TRAK1: variants seen among roughly 807,000 people sequenced by gnomAD.
TRAK1 encodes trafficking kinesin-binding protein 1.
In TRAK1, 33 loss-of-function variants were observed where a neutral mutation model predicts 92.1. The ratio of observed to expected loss-of-function variants is 0.36; its 90% CI spans 0.27 to 0.48. The LOEUF (loss-of-function observed/expected upper bound fraction) is 0.48, where lower values mean the gene tolerates loss of function less well. Among genes scored for constraint, TRAK1 ranks in the 20% least tolerant of loss-of-function variants. TRAK1 has a pLI of 0.99. For missense variants in TRAK1, 1,123 were observed against 1,257.9 expected, an observed-to-expected ratio of 0.89 and a Z score of 1.62; for synonymous variants, 521 against 517.3, an observed-to-expected ratio of 1.01 and a Z score of -0.10.
At chr3:42,171,863 C>T (rs145610754) in intron 2 of TRAK1, among the ~76,000 whole-genome samples, 174 of 152,194 alleles carry the variant, frequency 1.1e-3, no homozygotes, top group African/African-American at 4.0e-3. Flanking sequence ...AGATGGGTGC[C>T]AACATTTATT....
chr3:42,037,395 G>C (rs1410532566), intron 1 of TRAK1, among the ~76,000 whole-genome samples: 2 of 152,196 alleles, frequency 1.3e-5, no homozygotes, highest in Admixed American at 6.5e-5. Context: ...GAGGTCAGGG[G>C]CTTCATCTGA....
In TRAK1 at chr3:42,224,231, C is replaced by T. The variant is rs1438626081; in HGVS notation, c.*494C>T. 1.1e-5 allele frequency: 4 copies of T among 366,250 alleles called. No homozygotes were observed. Among genetic ancestry groups the T allele is most frequent in the South Asian group, 4.1e-5 (2 of 49,274 alleles). 22.7% of individuals were successfully genotyped at this position (366,250 alleles called of 1,614,324 possible). ...CGTAAGGAGCCTCCATCCTCAGCCA[C>T]GTGCAGCTGACGTGGCTTTCCTGAT... On this transcript the variant is annotated 3_prime_UTR_variant, in exon 16 of 16. Transcript: ENST00000327628.
At chr3:42,038,906 T>C (rs1702430658) in intron 1 of TRAK1, among the ~76,000 whole-genome samples, 1 of 145,416 alleles carries the variant, frequency 6.9e-6, no homozygotes, top group South Asian at 2.3e-4. Context: ...CCTCCCGAAG[T>C]GTTGGGATTG....
At position 42,209,804 on chromosome 3, in the gene TRAK1, A is replaced by G. The variant is rs141984215; in HGVS notation, c.1782A>G (p.Gln594=). Residue 594 remains glutamine, a synonymous_variant, in exon 14 of 16, where the codon CAA becomes CAG. Coordinates refer to ENST00000327628, the MANE Select transcript of TRAK1 (RefSeq NM_001042646.3). Reference sequence around the variant, plus strand: ...TTCACCACTGGCAGCAGTTGGCCCAACCTCACCTTGGGGGCATCCTGGACC... The same window carrying G: ...TTCACCACTGGCAGCAGTTGGCCCAGCCTCACCTTGGGGGCATCCTGGACC... ...ATLHHWQQLA[Q]PHLGGILDPR... The G allele has an allele frequency of 1.2e-6, 2 of 1,613,872 alleles. No homozygotes were observed. The highest frequency in any genetic ancestry group is 2.2e-5 in the East Asian group (1 of 44,882).
intron 2 of TRAK1, among the ~76,000 whole-genome samples, chr3:42,165,319 A>G (rs1364867139): frequency 6.6e-6 from 1 of 152,160 alleles, no homozygotes; most frequent in Non-Finnish European, 1.5e-5. Flanking sequence ...CTAACCAGAC[A>G]TGATCATCTG....
chr3:42,184,647 G>C, intron 3 of TRAK1, 38 bp from the exon 4 acceptor site: 1 of 1,598,554 alleles, frequency 6.3e-7, no homozygotes, highest in Non-Finnish European at 8.6e-7. Flanking sequence ...GGAAACACAG[G>C]TCTTTTGAAT....
At chr3:42,108,380 A>T (rs1269939954) in intron 1 of TRAK1, among the ~76,000 whole-genome samples, 1 of 151,646 alleles carries the variant, frequency 6.6e-6, no homozygotes, top group Non-Finnish European at 1.5e-5. Context: ...AGTCCTAGCT[A>T]CTTGGGAAGC....
intron 1 of TRAK1, among the ~76,000 whole-genome samples, chr3:42,058,824 C>G (rs1703308352): frequency 6.6e-6 from 1 of 151,736 alleles, no homozygotes; most frequent in African/African-American, 2.4e-5. Context: ...TCTAAGAAAG[C>G]AAAAAATGCT....
chr3:42,209,676 T>G, intron 13 of TRAK1, 91 bp from the exon 14 acceptor site: 1 of 1,342,804 alleles, frequency 7.4e-7, no homozygotes, highest in African/African-American at 1.4e-5. Flanking sequence ...CGCTAAGCAC[T>G]TTGAGGGTGG....
upstream of TRAK1, among the ~76,000 whole-genome samples, chr3:42,088,909 A>G (rs1047614994): frequency 4.6e-5 from 7 of 152,064 alleles, no homozygotes; most frequent in Admixed American, 3.9e-4. Flanking sequence ...CCTGTGCAGC[A>G]CTTGATCTCA....
At chr3:42,039,790 G>A (rs953588207) in intron 1 of TRAK1, among the ~76,000 whole-genome samples, 2 of 152,140 alleles carry the variant, frequency 1.3e-5, no homozygotes. Context: ...GTCATAGAGG[G>A]ACTGCCAGAC....
At chr3:42,033,320 G>A (rs977640585) in intron 1 of TRAK1, among the ~76,000 whole-genome samples, 4 of 152,188 alleles carry the variant, frequency 2.6e-5, no homozygotes, top group African/African-American at 7.2e-5. Flanking sequence ...GTGGTGGGGC[G>A]GAGCGGCTTT....
chr3:42,130,348 A>G (rs924308180), intron 2 of TRAK1, among the ~76,000 whole-genome samples: 35 of 151,640 alleles, frequency 2.3e-4, no homozygotes, highest in African/African-American at 8.5e-4. Context: ...TCTCACCTGC[A>G]TATGATCTGC....
At chr3:42,021,241 T>A (rs794889) in intron 1 of TRAK1, among the ~76,000 whole-genome samples, 144,232 of 152,252 alleles carry the variant, frequency 0.95, 68,816 homozygotes, top group East Asian at 1. Flanking sequence ...ACTGGCTTTC[T>A]TAGTAGAGAA....
intron 2 of TRAK1, among the ~76,000 whole-genome samples, chr3:42,138,261 C>T (rs942491447): frequency 6.6e-6 from 1 of 152,114 alleles, no homozygotes; most frequent in Non-Finnish European, 1.5e-5. Context: ...TAGATATGTA[C>T]AAGGCTTAAA....
intron 12 of TRAK1, among the ~76,000 whole-genome samples, chr3:42,201,539 T>C (rs1361669490): frequency 6.6e-6 from 1 of 152,126 alleles, no homozygotes; most frequent in Non-Finnish European, 1.5e-5. Context: ...CTTGATATGA[T>C]ATTTTAATCA....
intron 1 of TRAK1, among the ~76,000 whole-genome samples, chr3:42,104,694 C>T (rs376322255): frequency 2.0e-5 from 3 of 152,152 alleles, no homozygotes; most frequent in Non-Finnish European, 4.4e-5. Flanking sequence ...CCCATCTGTA[C>T]GTCACCATCA....
chr3:42,151,726 C>T (rs1033745384), intron 2 of TRAK1, among the ~76,000 whole-genome samples: 8 of 151,558 alleles, frequency 5.3e-5, no homozygotes, highest in Admixed American at 1.3e-4. Context: ...TAGTTGAGTT[C>T]CTTCCTAGCT....
chr3:42,164,637 C>T (rs1701652219), intron 2 of TRAK1, among the ~76,000 whole-genome samples: 1 of 152,206 alleles, frequency 6.6e-6, no homozygotes, highest in Non-Finnish European at 1.5e-5. Flanking sequence ...GTGGGTGCTC[C>T]TGGGAGACCA....
Sources: gnomAD v4.1 joint callset for allele counts (sites outside exome capture counted in the v4.1 genomes callset) on GRCh38, gnomAD v4.1.1 for gene constraint, MANE v1.5 for transcripts, NCBI Gene and HGNC (gene_info 2026-07-23, HGNC 2026-07-21) for gene names.